Variants in CEP70 observed in about 807,000 individuals in gnomAD.
The protein encoded by CEP70 is centrosomal protein 70.
CEP70 carries 70 observed loss-of-function variants against 90.9 expected under a neutral mutation model. The observed-to-expected ratio is 0.77, with a 90% CI of 0.64 to 0.94. The LOEUF (loss-of-function observed/expected upper bound fraction) is 0.94. CEP70 is among the 40% of genes least tolerant of loss of function. The pLI, the probability that CEP70 is intolerant of heterozygous loss-of-function variation, is 0.00. For synonymous variants in CEP70, 220 were observed against 228.3 expected (o/e 0.96, Z 0.33); for missense variants, 648 against 669.0 (o/e 0.97, Z 0.35).
At chr3:138,513,955 A>AG (rs2035765763) in intron 11 of CEP70, among the ~76,000 whole-genome samples, 1 of 151,710 alleles carries the variant, frequency 6.6e-6, no homozygotes, top group African/African-American at 2.4e-5. Context: ...ACAAATCTAA[A>AG]AAAAAAAAAC....
rs1170686513 is a variant in CEP70, at chr3:138,544,336, G to T, written c.466-6989C>A. 2.1e-5 allele frequency among the ~76,000 whole-genome samples: 3 copies of T among 142,418 alleles called. No individual in the cohort carries two copies. In the East Asian group the frequency reaches 6.0e-4, roughly 29 times the overall value. 93.4% of individuals were successfully genotyped at this position (142,418 alleles called of 152,430 possible). A position where few individuals can be genotyped will look rare whatever the true frequency, so the allele number is the denominator to read the frequency against. ...ATGAGATATCATCTCACTCCAGTTA[G>T]AATGGCTATTACTCAAAAGACAAAA... On this transcript the variant is annotated intron_variant, in intron 6 of 17. Coordinates refer to ENST00000264982, the MANE Select transcript of CEP70 (RefSeq NM_024491.4).
At chr3:138,522,181 G>A (rs1302076267) in intron 11 of CEP70, among the ~76,000 whole-genome samples, 2 of 151,694 alleles carry the variant, frequency 1.3e-5, no homozygotes, top group African/African-American at 4.8e-5. Context: ...GAAAACCAGA[G>A]ACCTTTGTTC....
intron 10 of CEP70, among the ~76,000 whole-genome samples, chr3:138,528,481 A>G (rs2037502212): frequency 6.6e-6 from 1 of 152,210 alleles, no homozygotes; most frequent in Admixed American, 6.5e-5. Flanking sequence ...TAAGAATATT[A>G]TGTACTCATG....
At chr3:138,499,553 C>CTTACAATCTATT (rs2034284866) in intron 16 of CEP70, among the ~76,000 whole-genome samples, 1 of 152,092 alleles carries the variant, frequency 6.6e-6, no homozygotes, top group Non-Finnish European at 1.5e-5. Flanking sequence ...CTTTATAGGC[C>CTTACAATCTATT]TTACAATCTA....
intron 2 of CEP70, among the ~76,000 whole-genome samples, chr3:138,589,516 G>T (rs1461271294): frequency 6.6e-6 from 1 of 151,750 alleles, no homozygotes; most frequent in Non-Finnish European, 1.5e-5. Context: ...AAATTAGCTG[G>T]GTGTGGCAGC....
rs1326458003 is a variant in CEP70 at position 138,529,477 on chromosome 3, A to G, written c.693-15T>C. On this transcript the variant is annotated splice_polypyrimidine_tract_variant and intron_variant, in intron 8 of 17. Coordinates refer to ENST00000264982, the MANE Select transcript of CEP70 (RefSeq NM_024491.4). ...CTTTATATTGCCTATGAAAATATGTATGCAGTATACTTATGAAAAATCTAT... is the reference window on the plus strand; with the variant it reads ...CTTTATATTGCCTATGAAAATATGTGTGCAGTATACTTATGAAAAATCTAT... 1 of 1,475,346 alleles carries G rather than the reference A, an allele frequency of 6.8e-7. No individual in the cohort carries two copies. The highest frequency in any genetic ancestry group is 9.4e-7 in the Non-Finnish European group (1 of 1,063,508). The allele number at this position is 1,475,346 out of a possible 1,614,324, so 91.4% of individuals were successfully genotyped here.
intron 6 of CEP70, among the ~76,000 whole-genome samples, chr3:138,551,341 ATACAAGAAC>A (rs1460839916): frequency 5.3e-5 from 8 of 152,252 alleles, no homozygotes; most frequent in Admixed American, 5.2e-4. Context: ...CAAGCCAGCA[ATACAAGAAC>A]TACTAAAAGA....
chr3:138,541,603 AC>A (rs1441365258), intron 6 of CEP70, among the ~76,000 whole-genome samples: 2 of 152,210 alleles, frequency 1.3e-5, no homozygotes, highest in African/African-American at 2.4e-5. Context: ...AAACAAAAAA[AC>A]ATTTGAAGGT....
rs560896658 is a variant in CEP70, at chr3:138,521,250, C to T, written c.944+4240G>A. Among the ~76,000 whole-genome samples, 11 of 152,278 alleles carry T rather than the reference C, an allele frequency of 7.2e-5. 1 individual carries two copies. The highest frequency in any genetic ancestry group is 5.9e-4 in the Admixed American group (9 of 15,302). On this transcript the variant is annotated intron_variant, in intron 11 of 17. Transcript: ENST00000264982. ...ACCACCCCATCTAGGAAGTGAGGAG[C>T]GTCTCTGCCAGGCCGCCCATCGTCT...
At chr3:138,573,429 T>C (rs1199181092) in intron 2 of CEP70, among the ~76,000 whole-genome samples, 3 of 150,566 alleles carry the variant, frequency 2.0e-5, no homozygotes, top group Non-Finnish European at 4.4e-5. Context: ...ACCTAGACAC[T>C]AATATCTTCA....
intron 5 of CEP70, among the ~76,000 whole-genome samples, chr3:138,570,735 A>G (rs1481057170): frequency 6.6e-6 from 1 of 152,212 alleles, no homozygotes; most frequent in African/African-American, 2.4e-5. Flanking sequence ...TGCTCCAATA[A>G]GCATTTCCTT....
At chr3:138,566,815 A>C (rs2040824145) in intron 6 of CEP70, among the ~76,000 whole-genome samples, 1 of 151,682 alleles carries the variant, frequency 6.6e-6, no homozygotes, top group African/African-American at 2.4e-5. Flanking sequence ...ATATATATAT[A>C]TATAAAAAAA....
chr3:138,589,134 G>A (rs992928056), intron 2 of CEP70, among the ~76,000 whole-genome samples: 6 of 152,074 alleles, frequency 3.9e-5, no homozygotes, highest in African/African-American at 1.4e-4. Flanking sequence ...AATCCTGATT[G>A]GGGTGGTTTC....
intron 6 of CEP70, among the ~76,000 whole-genome samples, chr3:138,544,095 C>T: frequency 6.6e-6 from 1 of 152,102 alleles, no homozygotes; most frequent in Non-Finnish European, 1.5e-5. Context: ...TCAAGACCAA[C>T]CTGGCCGACA....
At position 138,537,239 on chromosome 3, in the gene CEP70, T is replaced by C; in HGVS notation, c.574A>G (p.Thr192Ala). 6.2e-7 allele frequency: 1 copy of C among 1,606,752 alleles called. No homozygotes were observed. The highest frequency in any genetic ancestry group is 1.1e-5 in the South Asian group (1 of 89,370). The change falls in exon 7 of 18, where the codon ACT (threonine) becomes GCT (alanine). Residue 192 changes from threonine (T) to alanine (A), a missense_variant. Transcript: ENST00000264982. ...AGATAGGCAAACACTCTGTTTTGAG[T>C]GACAATGCGATCTTCTTCCTCCTTT... is the stretch of plus-strand genomic sequence containing the variant. ...LKKEEEDRIV[T>A]QNRVFAYLCK...
At position 138,590,138 on chromosome 3, in the gene CEP70, A is replaced by C. The variant is rs377502609; in HGVS notation, c.-6+1716T>G. Among the ~76,000 whole-genome samples the C allele has an allele frequency of 5.9e-5, 9 of 152,268 alleles. No individual in the cohort carries two copies. In the East Asian group the frequency reaches 1.3e-3, roughly 23 times the overall value. ...AACATAAGCCAAAAAAAAAAGGTTT[A>C]ATGTTTTCAGTAATCATATTGATGG... is the stretch of plus-strand genomic sequence containing the variant. On this transcript the variant is annotated intron_variant, in intron 2 of 17. Transcript: ENST00000264982.
intron 2 of CEP70, among the ~76,000 whole-genome samples, chr3:138,583,268 T>G (rs1002676565): frequency 6.6e-6 from 1 of 152,136 alleles, no homozygotes; most frequent in Admixed American, 6.5e-5. Flanking sequence ...TATGTAACAA[T>G]TGTAAATATT....
At chr3:138,534,603 T>C (rs11921301) in intron 7 of CEP70, among the ~76,000 whole-genome samples, 7,292 of 152,264 alleles carry the variant, frequency 0.048, 565 homozygotes, top group African/African-American at 0.16. Flanking sequence ...TGAGGAAGCA[T>C]GCAACACTGC....
chr3:138,514,841 A>G (rs1009399754), intron 11 of CEP70, among the ~76,000 whole-genome samples: 2 of 152,154 alleles, frequency 1.3e-5, no homozygotes, highest in African/African-American at 4.8e-5. Flanking sequence ...CAGTTCTTCC[A>G]TATACCAGTA....
Sources: allele counts gnomAD v4.1 joint callset (sites outside exome capture counted in the v4.1 genomes callset), GRCh38; gene constraint gnomAD v4.1.1; transcripts MANE v1.5; gene names NCBI Gene and HGNC (gene_info 2026-07-23, HGNC 2026-07-21).